NCKAP5: variants seen among roughly 807,000 people sequenced by gnomAD.
NCKAP5 encodes NCK associated protein 5.
Under a neutral mutation model 167.0 loss-of-function variants are expected in NCKAP5, and 92 were observed. The ratio of observed to expected loss-of-function variants is 0.55; its 90% confidence interval spans 0.47 to 0.66. The LOEUF is 0.66. NCKAP5 is among the 30% of genes least tolerant of loss of function. NCKAP5 has a pLI of 0.00. For synonymous variants in NCKAP5, 891 were observed against 877.4 expected, an observed-to-expected ratio of 1.02 and a Z score of -0.27; for missense variants, 2,378 against 2,315.0, an observed-to-expected ratio of 1.03 and a Z score of -0.56.
chr2:133,475,488 CT>C (rs900453220), intron 3 of NCKAP5, among the ~76,000 whole-genome samples: 2 of 152,144 alleles, frequency 1.3e-5, no homozygotes, highest in African/African-American at 4.8e-5. Context: ...AGATTAACTT[CT>C]TTTTTTCTTA....
chr2:132,880,325 G>T (rs1691647123), intron 8 of NCKAP5, among the ~76,000 whole-genome samples: 1 of 152,102 alleles, frequency 6.6e-6, no homozygotes, highest in South Asian at 2.1e-4. Flanking sequence ...AACATGAAGT[G>T]TTACTAACAC....
intron 14 of NCKAP5, 80 bp downstream of exon 14, chr2:132,781,860 A>C: frequency 7.3e-7 from 1 of 1,367,176 alleles, no homozygotes; most frequent in Non-Finnish European, 1.0e-6. Flanking sequence ...ACTGGCCTTT[A>C]ATGCACAGGA....
chr2:133,115,784 T>TAC (rs2082056154), intron 6 of NCKAP5, among the ~76,000 whole-genome samples: 1 of 70,620 alleles, frequency 1.4e-5, no homozygotes, highest in Admixed American at 1.5e-4. Flanking sequence ...TGTATATATA[T>TAC]ATATATATAT....
At chr2:133,672,034 T>A in the NCKAP5 span, among the ~76,000 whole-genome samples, 1 of 152,210 alleles carries the variant, frequency 6.6e-6, no homozygotes, top group Non-Finnish European at 1.5e-5. Flanking sequence ...CGATAGGTAT[T>A]GATTGCAATA....
chr2:132,887,836 G>A (rs913408840), intron 8 of NCKAP5, among the ~76,000 whole-genome samples: 1 of 152,154 alleles, frequency 6.6e-6, no homozygotes, highest in Admixed American at 6.5e-5. Flanking sequence ...TTTTTGTAGA[G>A]ATAAGGTATT....
intron 5 of NCKAP5, among the ~76,000 whole-genome samples, chr2:133,131,239 C>G (rs2082592224): frequency 6.6e-6 from 1 of 152,074 alleles, no homozygotes; most frequent in Admixed American, 6.5e-5. Context: ...TACACATCCT[C>G]CTGCCTCTGT....
At position 133,492,474 on chromosome 2, in the gene NCKAP5, G is replaced by A. The variant is rs183994178; in HGVS notation, c.69+24984C>T. Among the ~76,000 whole-genome samples the A allele has an allele frequency of 6.6e-5, 10 of 152,216 alleles. No homozygotes were observed. In the East Asian group the frequency reaches 1.5e-3, roughly 23 times the overall value. On this transcript the variant is annotated intron_variant, in intron 3 of 19. Transcript: ENST00000409261. ...ATTTCATAGCACCTTATAACACAACGCTTCCTGTGCGTGGTCTCTGAAGGG... is the reference window on the plus strand; with the variant it reads ...ATTTCATAGCACCTTATAACACAACACTTCCTGTGCGTGGTCTCTGAAGGG...
At chr2:133,016,599 G>T (rs114353582) in intron 6 of NCKAP5, among the ~76,000 whole-genome samples, 20 of 152,272 alleles carry the variant, frequency 1.3e-4, no homozygotes, top group African/African-American at 3.8e-4. Context: ...GCGGTCTGAC[G>T]GCTATCTAAA....
At chr2:133,549,890 C>G (rs1257505073) in intron 2 of NCKAP5, among the ~76,000 whole-genome samples, 1 of 138,284 alleles carries the variant, frequency 7.2e-6, no homozygotes, top group Non-Finnish European at 1.6e-5. Flanking sequence ...ATCAAATAGA[C>G]ACAATAAAAA....
At chr2:133,603,208 T>C in the NCKAP5 span, among the ~76,000 whole-genome samples, 2 of 144,792 alleles carry the variant, frequency 1.4e-5, no homozygotes, top group East Asian at 4.3e-4. Context: ...TGGCATCGGT[T>C]TTTTTTTTTC....
intron 3 of NCKAP5, among the ~76,000 whole-genome samples, chr2:133,316,691 G>A (rs892309621): frequency 9.2e-5 from 14 of 152,198 alleles, no homozygotes; most frequent in Admixed American, 3.3e-4. Flanking sequence ...CTCCTGGAGT[G>A]AGGTATTTCA....
chr2:133,461,664 G>T (rs1692206148), intron 3 of NCKAP5, among the ~76,000 whole-genome samples: 1 of 152,122 alleles, frequency 6.6e-6, no homozygotes, highest in African/African-American at 2.4e-5. Flanking sequence ...GAGACAAGAG[G>T]GTGCATTGAC....
intron 8 of NCKAP5, among the ~76,000 whole-genome samples, chr2:132,908,042 C>G (rs1440075506): frequency 1.3e-5 from 2 of 152,148 alleles, no homozygotes; most frequent in Non-Finnish European, 2.9e-5. Flanking sequence ...TTATTAGTCA[C>G]AATAAGCAAC....
At chr2:133,111,529 A>G (rs1191478801) in intron 6 of NCKAP5, among the ~76,000 whole-genome samples, 1 of 152,170 alleles carries the variant, frequency 6.6e-6, no homozygotes, top group African/African-American at 2.4e-5. Flanking sequence ...ATCAGTGGGG[A>G]TCAGAGCCTT....
intron 3 of NCKAP5, among the ~76,000 whole-genome samples, chr2:133,320,803 C>T (rs555859616): frequency 3.3e-5 from 5 of 152,248 alleles, no homozygotes; most frequent in Non-Finnish European, 5.9e-5. Context: ...CCCATTTGGC[C>T]AGGAATGAGA....
chr2:133,247,439 C>T (rs184790539), intron 4 of NCKAP5, among the ~76,000 whole-genome samples: 1 of 152,134 alleles, frequency 6.6e-6, no homozygotes, highest in Non-Finnish European at 1.5e-5. Flanking sequence ...AATTTCCAAA[C>T]CCCTTCAAAT....
chr2:132,709,276 G>C (rs770879610), intron 19 of NCKAP5, among the ~76,000 whole-genome samples: 1 of 151,940 alleles, frequency 6.6e-6, no homozygotes, highest in African/African-American at 2.4e-5. Flanking sequence ...AAATGAACAA[G>C]CTTAGTGTCT....
At chr2:133,036,122 G>GA (rs1192421495) in intron 6 of NCKAP5, among the ~76,000 whole-genome samples, 2 of 151,616 alleles carry the variant, frequency 1.3e-5, no homozygotes, top group Non-Finnish European at 3.0e-5. Flanking sequence ...ATTGAATGAG[G>GA]AAAAAAATCC....
At chr2:133,191,319 T>G (rs2085207978) in intron 5 of NCKAP5, among the ~76,000 whole-genome samples, 1 of 152,172 alleles carries the variant, frequency 6.6e-6, no homozygotes, top group Non-Finnish European at 1.5e-5. Context: ...TTTTACACTG[T>G]TGGTGGGACT....
Sources: gnomAD v4.1 joint callset for allele counts (sites outside exome capture counted in the v4.1 genomes callset) on GRCh38, gnomAD v4.1.1 for gene constraint, MANE v1.5 for transcripts, NCBI Gene and HGNC (gene_info 2026-07-23, HGNC 2026-07-21) for gene names.